Variants in TRAPPC9 observed in about 807,000 individuals in gnomAD.
The protein encoded by TRAPPC9 is trafficking protein particle complex subunit 9, also known as IKK2 binding protein.
In TRAPPC9, 83 loss-of-function variants were observed where a neutral mutation model predicts 124.0. The ratio of observed to expected loss-of-function variants is 0.67; its 90% CI spans 0.56 to 0.80. The LOEUF (loss-of-function observed/expected upper bound fraction) is 0.80. Ranked by LOEUF, TRAPPC9 falls within the 30% of genes least tolerant of loss-of-function variation. The pLI is 0.00. For synonymous variants in TRAPPC9, 638 were observed against 617.5 expected (o/e 1.03, Z -0.49); for missense variants, 1,302 against 1,508.3 (o/e 0.86, Z 2.27).
At chr8:140,027,637 C>A (rs758448357) in intron 17 of TRAPPC9, among the ~76,000 whole-genome samples, 22 of 152,094 alleles carry the variant, frequency 1.4e-4, no homozygotes, top group Non-Finnish European at 2.6e-4. Context: ...CAAAATCAAG[C>A]ACAGAAAAGT....
rs1380501705 is a variant in TRAPPC9, at chr8:140,241,656, C to T, written c.2431+11121G>A. ...GTTGCAGTGAGCTGAGATAGTGCTA[C>T]TGCACTCCAGCCTGGCAACAGTCCG... On this transcript the variant is annotated intron_variant, in intron 16 of 22. Coordinates refer to ENST00000438773, the MANE Select transcript of TRAPPC9 (RefSeq NM_001160372.4). The surrounding 1 kb of genome is among the most constrained non-coding windows in gnomAD (Gnocchi z 5.0). 6.6e-6 allele frequency among the ~76,000 whole-genome samples: 1 copy of T among 152,138 alleles called. No homozygotes were observed. The highest frequency in any genetic ancestry group is 2.4e-5 in the African/African-American group (1 of 41,426).
intron 21 of TRAPPC9, among the ~76,000 whole-genome samples, chr8:139,753,222 A>G (rs1466008117): frequency 6.7e-6 from 1 of 148,482 alleles, no homozygotes; most frequent in East Asian, 2.0e-4. Context: ...CCATCCATCC[A>G]TCCAACATCT....
chr8:140,379,047 C>G (rs2068527252), intron 7 of TRAPPC9, among the ~76,000 whole-genome samples: 1 of 151,892 alleles, frequency 6.6e-6, no homozygotes. Context: ...AAGTATTTTC[C>G]AAACTTAAGT....
At chr8:140,067,054 C>T (rs940655990) in intron 17 of TRAPPC9, among the ~76,000 whole-genome samples, 4 of 152,168 alleles carry the variant, frequency 2.6e-5, no homozygotes, top group African/African-American at 9.7e-5. Flanking sequence ...ATTTTTGTCA[C>T]ATATCTGTTC....
At chr8:140,236,441 T>A (rs1041625092) in intron 16 of TRAPPC9, among the ~76,000 whole-genome samples, 6 of 152,236 alleles carry the variant, frequency 3.9e-5, no homozygotes, top group African/African-American at 1.4e-4. Context: ...ATGATAGAAG[T>A]CATAATTGAC....
At chr8:140,396,190 G>A (rs1430170390) in intron 7 of TRAPPC9, among the ~76,000 whole-genome samples, 4 of 143,656 alleles carry the variant, frequency 2.8e-5, no homozygotes, top group African/African-American at 1.0e-4. Context: ...CACCCAGACA[G>A]GAGTGCAGTG....
intron 17 of TRAPPC9, among the ~76,000 whole-genome samples, chr8:140,187,122 C>T (rs57931191): frequency 6.6e-6 from 1 of 152,224 alleles, no homozygotes; most frequent in African/African-American, 2.4e-5. Flanking sequence ...CCTCGAACTA[C>T]ATAGGTTTGA....
intron 15 of TRAPPC9, among the ~76,000 whole-genome samples, chr8:140,260,084 C>T (rs1234879033): frequency 2.6e-5 from 4 of 152,078 alleles, no homozygotes; most frequent in Admixed American, 1.3e-4. Context: ...GAATTTTTGA[C>T]GATAAGTATA....
chr8:140,093,520 T>A (rs945297379), intron 17 of TRAPPC9, among the ~76,000 whole-genome samples: 4 of 152,032 alleles, frequency 2.6e-5, no homozygotes, highest in African/African-American at 9.7e-5. Flanking sequence ...TATAAAAAAT[T>A]AGCCAGGCAT....
At chr8:140,314,334 C>T (rs2066388797) in intron 9 of TRAPPC9, among the ~76,000 whole-genome samples, 1 of 152,138 alleles carries the variant, frequency 6.6e-6, no homozygotes, top group Non-Finnish European at 1.5e-5. Context: ...CTAATGGATA[C>T]ATAATAATTG....
chr8:140,048,717 A>G (rs1841781631), intron 17 of TRAPPC9, among the ~76,000 whole-genome samples: 1 of 152,142 alleles, frequency 6.6e-6, no homozygotes, highest in Non-Finnish European at 1.5e-5. Context: ...GACTCACCCA[A>G]AGTCACAAAG....
intron 21 of TRAPPC9, among the ~76,000 whole-genome samples, chr8:139,820,909 A>G (rs546050226): frequency 2.0e-5 from 3 of 152,382 alleles, no homozygotes; most frequent in East Asian, 3.9e-4. Context: ...TTTAAAAATA[A>G]TAAGAGAGTA....
chr8:140,032,767 G>A (rs985470804), intron 17 of TRAPPC9, among the ~76,000 whole-genome samples: 3 of 152,084 alleles, frequency 2.0e-5, no homozygotes, highest in African/African-American at 7.2e-5. Context: ...GGAGATTTCT[G>A]GGTCAAAAAA....
intron 17 of TRAPPC9, among the ~76,000 whole-genome samples, chr8:140,072,596 G>GGA (rs1403005443): frequency 0.013 from 74 of 5,622 alleles, no homozygotes; most frequent in African/African-American, 0.016. Context: ...AGAAGGGAAG[G>GGA]AGGAGGAGGA....
At chr8:140,404,874 G>A (rs549657903) in intron 6 of TRAPPC9, among the ~76,000 whole-genome samples, 96 of 151,860 alleles carry the variant, frequency 6.3e-4, no homozygotes, top group African/African-American at 2.1e-3. Flanking sequence ...GAGCATGCGC[G>A]TGTAAGTGCA....
intron 5 of TRAPPC9, among the ~76,000 whole-genome samples, chr8:140,418,723 A>AAGATAGAC (rs2070036657): frequency 7.1e-6 from 1 of 141,214 alleles, no homozygotes; most frequent in African/African-American, 2.6e-5. Flanking sequence ...CCATCTCAAA[A>AAGATAGAC]AGATAGATAG....
At chr8:140,280,364 T>G (rs990870233) in intron 14 of TRAPPC9, among the ~76,000 whole-genome samples, 17 of 152,236 alleles carry the variant, frequency 1.1e-4, no homozygotes, top group Non-Finnish European at 1.9e-4. Flanking sequence ...AGCTTAAGTA[T>G]GCAATGCAAT....
chr8:139,939,431 G>A lies in TRAPPC9; in HGVS notation c.2811-29131C>T, dbSNP rs559960316. 6.6e-5 allele frequency among the ~76,000 whole-genome samples: 10 copies of A among 152,314 alleles called. No homozygotes were observed. In the South Asian group the frequency reaches 1.2e-3, roughly 19 times the overall value. On this transcript the variant is annotated intron_variant, in intron 19 of 22. Transcript: ENST00000438773. ...GCGAGTGAGGAAACTCCAGAAGGAG[G>A]TGGTCCAGCACGCCGCATGGGGCTA... is the stretch of plus-strand genomic sequence containing the variant.
chr8:139,807,789 C>T (rs1001976041), intron 21 of TRAPPC9, among the ~76,000 whole-genome samples: 2 of 151,754 alleles, frequency 1.3e-5, no homozygotes, highest in Admixed American at 1.3e-4. Context: ...AGAGGAGGAG[C>T]TCAATATAAA....
Sources: allele counts gnomAD v4.1 joint callset (sites outside exome capture counted in the v4.1 genomes callset), GRCh38; gene constraint gnomAD v4.1.1; non-coding constraint Gnocchi (gnomAD v3.1); transcripts MANE v1.5; gene names NCBI Gene and HGNC (gene_info 2026-07-23, HGNC 2026-07-21).